SLC35F4: variants seen among roughly 807,000 people sequenced by gnomAD.
SLC35F4 encodes solute carrier family 35 member F4.
SLC35F4 carries 24 observed loss-of-function variants against 44.2 expected under a neutral mutation model. The observed-to-expected ratio is 0.54, with a 90% CI of 0.39 to 0.76. SLC35F4 has a LOEUF of 0.76. Ranked by LOEUF, SLC35F4 falls within the 30% of genes least tolerant of loss-of-function variation. SLC35F4 has a pLI of 0.00. For missense variants in SLC35F4, 562 were observed against 586.1 expected, an observed-to-expected ratio of 0.96 and a Z score of 0.42; for synonymous variants, 238 against 223.6, an observed-to-expected ratio of 1.06 and a Z score of -0.57.
intron 1 of SLC35F4, among the ~76,000 whole-genome samples, chr14:57,782,578 A>T (rs1330120045): frequency 6.6e-6 from 1 of 152,224 alleles, no homozygotes; most frequent in African/African-American, 2.4e-5. Context: ...ATTAAATTGT[A>T]ACTGCATAAA....
At chr14:57,752,972 C>T (rs2140571325) in intron 1 of SLC35F4, among the ~76,000 whole-genome samples, 1 of 152,244 alleles carries the variant, frequency 6.6e-6, no homozygotes, top group East Asian at 1.9e-4. Context: ...CCAGGGCTCT[C>T]TCTACTAACT....
chr14:57,908,356 A>G (rs916815802), intron 1 of SLC35F4, among the ~76,000 whole-genome samples: 33 of 152,214 alleles, frequency 2.2e-4, no homozygotes, highest in African/African-American at 8.0e-4. Context: ...TAGATCCTTG[A>G]GGAATTGCCA....
chr14:57,625,938 A>T (rs1339855306), intron 1 of SLC35F4, among the ~76,000 whole-genome samples: 2 of 152,172 alleles, frequency 1.3e-5, no homozygotes, highest in African/African-American at 2.4e-5. Context: ...CCCATCAATG[A>T]TAGGCTGGAT....
At chr14:57,948,158 CT>C (rs1467043403) in intron 1 of SLC35F4, among the ~76,000 whole-genome samples, 2 of 152,128 alleles carry the variant, frequency 1.3e-5, no homozygotes, top group Non-Finnish European at 2.9e-5. Context: ...GTGAATCCAT[CT>C]GGTCCTGGAC....
chr14:57,573,405 AG>A (rs1314371171), intron 4 of SLC35F4, among the ~76,000 whole-genome samples: 1 of 152,140 alleles, frequency 6.6e-6, no homozygotes, highest in Non-Finnish European at 1.5e-5. Flanking sequence ...GCTTGATGGG[AG>A]GTGGTTTTCT....
At chr14:57,622,708 T>C (rs1365774408) in intron 1 of SLC35F4, among the ~76,000 whole-genome samples, 2 of 152,192 alleles carry the variant, frequency 1.3e-5, no homozygotes, top group East Asian at 1.9e-4. Flanking sequence ...TTGGGAGATA[T>C]ACCTAATGCT....
chr14:57,584,338 T>C (rs1043392121), intron 3 of SLC35F4, among the ~76,000 whole-genome samples: 1 of 152,208 alleles, frequency 6.6e-6, no homozygotes, highest in Non-Finnish European at 1.5e-5. Context: ...TTTCATACCA[T>C]TCTAGAGAAA....
chr14:57,803,106 A>T (rs879616441), intron 1 of SLC35F4, among the ~76,000 whole-genome samples: 17 of 152,214 alleles, frequency 1.1e-4, no homozygotes, highest in Non-Finnish European at 1.9e-4. Flanking sequence ...CTTATCCACC[A>T]TGATCAAGTT....
intron 1 of SLC35F4, among the ~76,000 whole-genome samples, chr14:57,884,912 T>A (rs1323154877): frequency 6.6e-6 from 1 of 152,182 alleles, no homozygotes; most frequent in Non-Finnish European, 1.5e-5. Flanking sequence ...AGCTCTATGC[T>A]GTGATAAGGA....
At chr14:57,913,392 A>AT (rs1889254231) in intron 1 of SLC35F4, among the ~76,000 whole-genome samples, 1 of 151,892 alleles carries the variant, frequency 6.6e-6, no homozygotes, top group South Asian at 2.1e-4. Flanking sequence ...TCAATTAAGC[A>AT]TTTTATATTA....
intron 1 of SLC35F4, among the ~76,000 whole-genome samples, chr14:57,907,709 T>C (rs559764805): frequency 6.7e-6 from 1 of 149,582 alleles, no homozygotes; most frequent in African/African-American, 2.4e-5. Context: ...ATTCAACACA[T>C]ATTTGCAGAA....
chr14:57,755,368 G>C (rs1225590736), intron 1 of SLC35F4, among the ~76,000 whole-genome samples: 1 of 152,200 alleles, frequency 6.6e-6, no homozygotes, highest in African/African-American at 2.4e-5. Flanking sequence ...ATAACCCAGA[G>C]AGTAGGGAGC....
chr14:57,909,299 A>G (rs1276442698), intron 1 of SLC35F4, among the ~76,000 whole-genome samples: 1 of 152,144 alleles, frequency 6.6e-6, no homozygotes, highest in East Asian at 1.9e-4. Flanking sequence ...TACAAAATCC[A>G]TAGTTTACAT....
intron 1 of SLC35F4, among the ~76,000 whole-genome samples, chr14:57,690,849 T>C (rs1443836255): frequency 1.3e-5 from 2 of 151,958 alleles, no homozygotes. Context: ...TGACAGGAGG[T>C]GGAGCTCAGG....
At chr14:57,760,574 T>C (rs2077101038) in intron 1 of SLC35F4, among the ~76,000 whole-genome samples, 1 of 152,232 alleles carries the variant, frequency 6.6e-6, no homozygotes. Context: ...TTCCTACAAA[T>C]ACACTTGAGC....
chr14:57,930,037 C>A (rs566173097), intron 1 of SLC35F4, among the ~76,000 whole-genome samples: 194 of 152,224 alleles, frequency 1.3e-3, no homozygotes, highest in African/African-American at 4.5e-3. Context: ...TATTTTTCAC[C>A]TCTAAAAAAA....
At position 57,671,570 on chromosome 14, in the gene SLC35F4, A is replaced by C. The variant is rs909067064; in HGVS notation, c.104-77446T>G. Among the ~76,000 whole-genome samples, 10 of 151,840 alleles carry C rather than the reference A, an allele frequency of 6.6e-5. 1 individual carries two copies. The highest frequency in any genetic ancestry group is 2.4e-4 in the African/African-American group (10 of 41,220). ...CTGAAGAGCCCTTGGGCCCCAAATA[A>C]CCAGCAGCAATACCCAGGCACTATA... On this transcript the variant is annotated intron_variant, in intron 1 of 7. Transcript: ENST00000556826.
chr14:57,623,955 C>G (rs1594621395), intron 1 of SLC35F4, among the ~76,000 whole-genome samples: 1 of 152,014 alleles, frequency 6.6e-6, no homozygotes, highest in Non-Finnish European at 1.5e-5. Context: ...AAGATTAGAG[C>G]AGAACTGAAG....
At chr14:57,590,851 A>G (rs137979925) in intron 2 of SLC35F4, among the ~76,000 whole-genome samples, 3,837 of 152,282 alleles carry the variant, frequency 0.025, 75 homozygotes, top group South Asian at 0.048. Context: ...TCCAGAGCCT[A>G]CTGGCTCTCC....
Sources: gnomAD v4.1 joint callset for allele counts (sites outside exome capture counted in the v4.1 genomes callset) on GRCh38, gnomAD v4.1.1 for gene constraint, MANE v1.5 for transcripts, NCBI Gene and HGNC (gene_info 2026-07-23, HGNC 2026-07-21) for gene names.